BCL2: variants seen among roughly 807,000 people sequenced by gnomAD.
BCL2 encodes the protein BCL2 apoptosis regulator.
A neutral mutation model predicts 14.2 loss-of-function variants in BCL2; 1 was observed. The observed-to-expected ratio is 0.07, with a 90% CI of 0.02 to 0.33. The LOEUF (loss-of-function observed/expected upper bound fraction) is 0.33, where lower values mean the gene tolerates loss of function less well. Among genes scored for constraint, BCL2 ranks in the 10% least tolerant of loss-of-function variants. BCL2 has a pLI of 0.99. For synonymous variants in BCL2, 151 were observed against 137.2 expected, an observed-to-expected ratio of 1.10 and a Z score of -0.70; for missense variants, 247 against 305.9, an observed-to-expected ratio of 0.81 and a Z score of 1.44.
At chr18:63,165,657 C>T (rs562512417) in intron 2 of BCL2, among the ~76,000 whole-genome samples, 16 of 152,342 alleles carry the variant, frequency 1.1e-4, no homozygotes, top group African/African-American at 3.1e-4. Flanking sequence ...GTGAAGGCCT[C>T]GGGCCTAGGT....
At chr18:63,284,348 G>A (rs954827149) in intron 2 of BCL2, among the ~76,000 whole-genome samples, 2 of 152,346 alleles carry the variant, frequency 1.3e-5, no homozygotes, top group Admixed American at 6.5e-5. Context: ...AAATAGGGGT[G>A]CAGTGGTTGA....
intron 2 of BCL2, among the ~76,000 whole-genome samples, chr18:63,251,906 T>C (rs1333952925): frequency 6.6e-6 from 1 of 151,466 alleles, no homozygotes; most frequent in Non-Finnish European, 1.5e-5. Context: ...ACCATGTTGG[T>C]CAGGCTGGTC....
intron 2 of BCL2, among the ~76,000 whole-genome samples, chr18:63,289,592 G>C (rs960856606): frequency 1.3e-5 from 2 of 151,998 alleles, no homozygotes; most frequent in Non-Finnish European, 2.9e-5. Context: ...GACTTACCTA[G>C]GAAAAGAGGA....
intron 2 of BCL2, among the ~76,000 whole-genome samples, chr18:63,192,429 T>C (rs1397967891): frequency 1.3e-5 from 2 of 152,100 alleles, no homozygotes; most frequent in African/African-American, 4.8e-5. Flanking sequence ...ATTTTGGAAA[T>C]CAGATCGAGA....
At chr18:63,244,639 A>G (rs1911104819) in intron 2 of BCL2, among the ~76,000 whole-genome samples, 1 of 152,160 alleles carries the variant, frequency 6.6e-6, no homozygotes. Context: ...TCCAGGTAAA[A>G]TGTTGCTGCA....
At chr18:63,240,021 G>A (rs111422368) in intron 2 of BCL2, among the ~76,000 whole-genome samples, 6 of 152,190 alleles carry the variant, frequency 3.9e-5, no homozygotes, top group South Asian at 2.1e-4. Context: ...ACAGGGTCTC[G>A]CTGTGTCTCC....
intron 2 of BCL2, among the ~76,000 whole-genome samples, chr18:63,263,187 G>C (rs981646564): frequency 6.6e-6 from 1 of 152,102 alleles, no homozygotes; most frequent in African/African-American, 2.4e-5. Context: ...GTGTGCGGGG[G>C]GTGCAGTGCA....
intron 2 of BCL2, among the ~76,000 whole-genome samples, chr18:63,239,705 A>T (rs914255278): frequency 6.6e-6 from 1 of 151,176 alleles, no homozygotes; most frequent in Non-Finnish European, 1.5e-5. Context: ...GCGCCACTGC[A>T]CTCCAGCCTG....
chr18:63,217,273 G>A (rs779346157), intron 2 of BCL2, among the ~76,000 whole-genome samples: 2 of 152,126 alleles, frequency 1.3e-5, no homozygotes, highest in Non-Finnish European at 2.9e-5. Context: ...CAAAGAAACC[G>A]AAAGGCATTC....
chr18:63,247,748 C>A (rs368096361), intron 2 of BCL2, among the ~76,000 whole-genome samples: 22 of 152,274 alleles, frequency 1.4e-4, no homozygotes, highest in Non-Finnish European at 2.5e-4. Flanking sequence ...CACCAAGCCA[C>A]CATTCCAGTG....
intron 2 of BCL2, among the ~76,000 whole-genome samples, chr18:63,192,618 G>A (rs1909319365): frequency 6.6e-6 from 1 of 152,132 alleles, no homozygotes; most frequent in African/African-American, 2.4e-5. Flanking sequence ...CCAGACTCTT[G>A]AAAGCACTGA....
chr18:63,292,502 C>T (rs1253399854), intron 2 of BCL2, among the ~76,000 whole-genome samples: 1 of 152,192 alleles, frequency 6.6e-6, no homozygotes, highest in African/African-American at 2.4e-5. Flanking sequence ...CGCACTCACA[C>T]GTACCATGCT....
chr18:63,210,752 G>T (rs928702478), intron 2 of BCL2, among the ~76,000 whole-genome samples: 1 of 152,064 alleles, frequency 6.6e-6, no homozygotes, highest in African/African-American at 2.4e-5. Flanking sequence ...CCATTCATAG[G>T]TTTTTTAAAG....
At chr18:63,242,313 G>A (rs1305603987) in intron 2 of BCL2, among the ~76,000 whole-genome samples, 1 of 152,200 alleles carries the variant, frequency 6.6e-6, no homozygotes, top group Non-Finnish European at 1.5e-5. Context: ...CAGATTATCT[G>A]ACTTCAATGT....
chr18:63,227,324 A>G (rs1910575966), intron 2 of BCL2, among the ~76,000 whole-genome samples: 1 of 152,340 alleles, frequency 6.6e-6, no homozygotes, highest in South Asian at 2.1e-4. Context: ...GATGTACTTC[A>G]GTAAGAAGGA....
chr18:63,132,671 G>A (rs1020337062), intron 2 of BCL2, among the ~76,000 whole-genome samples: 10 of 152,136 alleles, frequency 6.6e-5, no homozygotes, highest in East Asian at 1.9e-4. Flanking sequence ...GAGACCCTGC[G>A]GCTTCGGGAC....
chr18:63,296,953 C>A lies in BCL2; in HGVS notation c.585+21129G>T, dbSNP rs554535266. Among the ~76,000 whole-genome samples, 25 of 152,304 alleles carry A rather than the reference C, an allele frequency of 1.6e-4. No homozygotes were observed. In the South Asian group the frequency reaches 5.0e-3, roughly 30 times the overall value. On this transcript the variant is annotated intron_variant, in intron 2 of 2. Transcript: ENST00000333681. ...ACCGGCCCCGCACGGTGGCTCACGC[C>A]TGTAATCCCAGCACTTTGGGAGGCC...
At chr18:63,235,052 G>A (rs1171041288) in intron 2 of BCL2, among the ~76,000 whole-genome samples, 1 of 152,168 alleles carries the variant, frequency 6.6e-6, no homozygotes, top group Non-Finnish European at 1.5e-5. Flanking sequence ...AGGAAATCCT[G>A]ACTACTCGGT....
intron 2 of BCL2, among the ~76,000 whole-genome samples, chr18:63,180,511 C>T (rs984740718): frequency 6.6e-6 from 1 of 150,530 alleles, no homozygotes; most frequent in African/African-American, 2.4e-5. Context: ...TGTCCGCCCA[C>T]CCCACCCCAG....
Sources: gnomAD v4.1 joint callset for allele counts (sites outside exome capture counted in the v4.1 genomes callset) on GRCh38, gnomAD v4.1.1 for gene constraint, MANE v1.5 for transcripts, NCBI Gene and HGNC (gene_info 2026-07-23, HGNC 2026-07-21) for gene names.